SIAH3: variants seen among roughly 807,000 people sequenced by gnomAD.
SIAH3 encodes siah E3 ubiquitin protein ligase family member 3.
A neutral mutation model predicts 12.6 loss-of-function variants in SIAH3; 9 were observed. The ratio of observed to expected loss-of-function variants is 0.72; its 90% confidence interval spans 0.43 to 1.25. The LOEUF (loss-of-function observed/expected upper bound fraction) is 1.25, where lower values mean the gene tolerates loss of function less well. SIAH3 is among the 50% of genes most tolerant of loss of function. The pLI is 0.00. For synonymous variants in SIAH3, 154 were observed against 151.1 expected (o/e 1.02, Z -0.14); for missense variants, 390 against 365.4 (o/e 1.07, Z -0.55).
In SIAH3 at chr13:45,781,244, G is replaced by GT; in HGVS notation, c.*2138dup. ...GAATGTTAGTTATATTCTTAGTGAG[G>GT]TTTTTGTTTGTTGATCTGGAGCACC... On this transcript the variant is annotated 3_prime_UTR_variant, in exon 2 of 2. Coordinates refer to ENST00000400405, the MANE Select transcript of SIAH3 (RefSeq NM_198849.3). 1 of 152,710 alleles carries GT rather than the reference G, an allele frequency of 6.5e-6. No homozygotes were observed. 9.5% of individuals were successfully genotyped at this position (152,710 alleles called of 1,614,324 possible).
At position 45,839,607 on chromosome 13, in the gene SIAH3, T is replaced by C. The variant is rs1021467168; in HGVS notation, c.135+11888A>G. On this transcript the variant is annotated intron_variant, in intron 1 of 1. Transcript: ENST00000400405. Reference sequence around the variant, plus strand: ...CAGCACTTTGGGAGGCCAAGGTGGGTGGATCACAAGGTCAGGAGATCAAGA... The same window carrying C: ...CAGCACTTTGGGAGGCCAAGGTGGGCGGATCACAAGGTCAGGAGATCAAGA... 4.6e-5 allele frequency among the ~76,000 whole-genome samples: 7 copies of C among 152,134 alleles called. No individual in the cohort carries two copies. In the South Asian group the frequency reaches 6.2e-4, roughly 14 times the overall value.
intron 1 of SIAH3, among the ~76,000 whole-genome samples, chr13:45,812,584 CAG>C (rs1338954462): frequency 2.6e-5 from 4 of 152,174 alleles, no homozygotes; most frequent in African/African-American, 9.7e-5. Context: ...TATCATGACA[CAG>C]AATTACTAGG....
intron 1 of SIAH3, among the ~76,000 whole-genome samples, chr13:45,826,393 A>ATGGGTGAGTGGCTGGG (rs1950675812): frequency 3.1e-5 from 1 of 32,476 alleles, no homozygotes; most frequent in African/African-American, 1.3e-4. Context: ...GGATGGATGG[A>ATGGGTGAGTGGCTGGG]TGGATGGATG....
chr13:45,806,398 C>T (rs1352448138), intron 1 of SIAH3, among the ~76,000 whole-genome samples: 2 of 152,060 alleles, frequency 1.3e-5, no homozygotes, highest in East Asian at 1.9e-4. Context: ...AAAAGTGAAT[C>T]GAATTATATC....
At chr13:45,825,284 G>C (rs1950670006) in intron 1 of SIAH3, among the ~76,000 whole-genome samples, 1 of 152,192 alleles carries the variant, frequency 6.6e-6, no homozygotes, top group Non-Finnish European at 1.5e-5. Context: ...TAAGAGCCAA[G>C]CTCCTAGCCA....
intron 1 of SIAH3, among the ~76,000 whole-genome samples, chr13:45,813,795 TTC>T: frequency 6.6e-6 from 1 of 152,050 alleles, no homozygotes; most frequent in East Asian, 1.9e-4. Flanking sequence ...AAGATCTAGG[TTC>T]TTTCTCTTCT....
intron 1 of SIAH3, among the ~76,000 whole-genome samples, chr13:45,793,217 C>G (rs1950551848): frequency 6.6e-6 from 1 of 152,198 alleles, no homozygotes; most frequent in Admixed American, 6.5e-5. Flanking sequence ...ACTGGTTACA[C>G]ATGCAAATGC....
chr13:45,841,573 C>T (rs927242769), intron 1 of SIAH3, among the ~76,000 whole-genome samples: 1 of 152,180 alleles, frequency 6.6e-6, no homozygotes, highest in Admixed American at 6.5e-5. Context: ...GAAATGATTA[C>T]AAGATATAGC....
intron 1 of SIAH3, among the ~76,000 whole-genome samples, chr13:45,804,999 CACACACACACAA>C (rs1308230111): frequency 4.0e-5 from 6 of 148,314 alleles, no homozygotes; most frequent in Non-Finnish European, 7.5e-5. Context: ...CACACACACA[CACACACACACAA>C]AATACTTTGG....
rs545153715 is a variant in SIAH3 at position 45,783,177 on chromosome 13, A to G, written c.*206T>C. On this transcript the variant is annotated 3_prime_UTR_variant, in exon 2 of 2. Coordinates refer to ENST00000400405, the MANE Select transcript of SIAH3 (RefSeq NM_198849.3). ...GACAAACATCACACCAAGATCTTAA[A>G]TTACAGGATGTTTACATAATATAAT... is the stretch of plus-strand genomic sequence containing the variant. 147 of 344,090 alleles carry G rather than the reference A, an allele frequency of 4.3e-4. 1 individual carries two copies. The highest frequency in any genetic ancestry group is 1.5e-3 in the Middle Eastern group (2 of 1,302). The allele number at this position is 344,090 out of a possible 1,614,324, so 21.3% of individuals were successfully genotyped here. A position where few individuals can be genotyped will look rare whatever the true frequency, so the allele number is the denominator to read the frequency against.
chr13:45,826,213 C>T, intron 1 of SIAH3, among the ~76,000 whole-genome samples: 1 of 152,148 alleles, frequency 6.6e-6, no homozygotes, highest in Non-Finnish European at 1.5e-5. Flanking sequence ...TTCTTCTTCT[C>T]TGGGCTGGAT....
chr13:45,786,300 T>A (rs1244289193), intron 1 of SIAH3, among the ~76,000 whole-genome samples: 1 of 152,200 alleles, frequency 6.6e-6, no homozygotes, highest in Non-Finnish European at 1.5e-5. Flanking sequence ...ATGGTGTCCC[T>A]CTTCCAGTCT....
intron 1 of SIAH3, among the ~76,000 whole-genome samples, chr13:45,793,120 T>A (rs972499379): frequency 1.3e-5 from 2 of 152,212 alleles, no homozygotes; most frequent in Admixed American, 6.5e-5. Flanking sequence ...CCACCTCGGA[T>A]AACCTCAGAT....
intron 1 of SIAH3, among the ~76,000 whole-genome samples, chr13:45,816,913 G>A (rs1253079091): frequency 6.6e-6 from 1 of 152,176 alleles, no homozygotes; most frequent in African/African-American, 2.4e-5. Flanking sequence ...TAATGTCATT[G>A]ACAAAGGCTG....
chr13:45,785,233 A>T (rs956149182), intron 1 of SIAH3, among the ~76,000 whole-genome samples: 12 of 152,030 alleles, frequency 7.9e-5, no homozygotes, highest in Non-Finnish European at 1.6e-4. Flanking sequence ...CACACAGGGG[A>T]GGTGGCAGCT....
intron 1 of SIAH3, among the ~76,000 whole-genome samples, chr13:45,815,954 A>G (rs1171052919): frequency 6.6e-6 from 1 of 152,264 alleles, no homozygotes; most frequent in Admixed American, 6.5e-5. Flanking sequence ...CCAGGCCCAC[A>G]TGAAGCACAT....
chr13:45,784,572 G>A (rs191900306), intron 1 of SIAH3, among the ~76,000 whole-genome samples: 35 of 151,952 alleles, frequency 2.3e-4, no homozygotes, highest in Non-Finnish European at 4.1e-4. Context: ...TGTCTTGGGC[G>A]CCCTTCTCCT....
In SIAH3 at chr13:45,797,836, T is replaced by C. The variant is rs574214725; in HGVS notation, c.136-13779A>G. 1.4e-4 allele frequency among the ~76,000 whole-genome samples: 22 copies of C among 152,324 alleles called. 1 individual carries two copies. In the South Asian group the frequency reaches 4.3e-3, roughly 30 times the overall value. ...CCCTAACATCCCTTTAGGAATCAAA[T>C]AGCATATTCTTAATAACCTCAGACA... On this transcript the variant is annotated intron_variant, in intron 1 of 1. Coordinates refer to ENST00000400405, the MANE Select transcript of SIAH3 (RefSeq NM_198849.3).
intron 1 of SIAH3, among the ~76,000 whole-genome samples, chr13:45,846,600 A>G (rs1950761114): frequency 1.3e-5 from 2 of 152,314 alleles, no homozygotes; most frequent in Middle Eastern, 3.4e-3. Context: ...AAAATAATCC[A>G]TCTTACCCAG....
Sources: gnomAD v4.1 joint callset for allele counts (sites outside exome capture counted in the v4.1 genomes callset) on GRCh38, gnomAD v4.1.1 for gene constraint, MANE v1.5 for transcripts, NCBI Gene and HGNC (gene_info 2026-07-23, HGNC 2026-07-21) for gene names.